The following CELSR1 variants were observed in gnomAD, a reference collection of about 807,000 sequenced individuals.
CELSR1 encodes adhesion G protein-coupled receptor C1.
CELSR1 carries 110 observed loss-of-function variants against 249.1 expected under a neutral mutation model. The ratio of observed to expected loss-of-function variants is 0.44; its 90% CI spans 0.38 to 0.52. The LOEUF (loss-of-function observed/expected upper bound fraction) is 0.52. CELSR1 is among the 20% of genes least tolerant of loss of function. The pLI is 0.00. For synonymous variants in CELSR1, 2,113 were observed against 1,900.0 expected, an observed-to-expected ratio of 1.11 and a Z score of -2.92; for missense variants, 4,109 against 4,296.4, an observed-to-expected ratio of 0.96 and a Z score of 1.22.
chr22:46,401,924 T>TA lies in CELSR1; in HGVS notation c.5227-2023dup, dbSNP rs781496400. The stretch of plus-strand genomic sequence containing the variant: ...CAACAAGGTGAAACCCCATCTCTAC[T>TA]AAAAATACAAAAAATTAGCTGGGCG... On this transcript the variant is annotated intron_variant, in intron 9 of 34. Coordinates refer to ENST00000674500, the MANE Select transcript of CELSR1 (RefSeq NM_001378328.1). This position sits in a 1 kb window ranked among gnomAD's most constrained non-coding sequence, Gnocchi z 4.7. 7.6e-6 allele frequency among the ~76,000 whole-genome samples: 1 copy of TA among 131,784 alleles called. No individual in the cohort carries two copies. The highest frequency in any genetic ancestry group is 1.5e-5 in the Non-Finnish European group (1 of 67,732). The allele number at this position is 131,784 out of a possible 152,430, so 86.5% of individuals were successfully genotyped here. A position where few individuals can be genotyped will look rare whatever the true frequency, so the allele number is the denominator to read the frequency against.
intron 27 of CELSR1, among the ~76,000 whole-genome samples, chr22:46,368,556 A>G (rs2078814041): frequency 6.6e-6 from 1 of 151,222 alleles, no homozygotes; most frequent in South Asian, 2.1e-4. Context: ...CCCTTCGCCC[A>G]TCCCTGGCTC....
rs1048317425 is a variant in CELSR1 at position 46,408,663 on chromosome 22, G to A, written c.5226+333C>T. ...CCTGGCTGCAGCTTTAACTGGTGAGGCTCACTGTTTCCGCCTGAAGGCTCG... is the reference window on the plus strand; with the variant it reads ...CCTGGCTGCAGCTTTAACTGGTGAGACTCACTGTTTCCGCCTGAAGGCTCG... On this transcript the variant is annotated intron_variant, in intron 9 of 34. Coordinates refer to ENST00000674500, the MANE Select transcript of CELSR1 (RefSeq NM_001378328.1). The surrounding 1 kb of genome is among the most constrained non-coding windows in gnomAD (Gnocchi z 4.6). Among the ~76,000 whole-genome samples the A allele has an allele frequency of 6.6e-5, 10 of 152,160 alleles. No individual in the cohort carries two copies. The highest frequency in any genetic ancestry group is 1.3e-4 in the Non-Finnish European group (9 of 68,034).
chr22:46,520,764 A>C (rs561531399), intron 1 of CELSR1, among the ~76,000 whole-genome samples: 18 of 152,194 alleles, frequency 1.2e-4, no homozygotes, highest in Admixed American at 3.3e-4. Flanking sequence ...AACCATTTTT[A>C]AATGCACCCA....
chr22:46,364,296 C>T (rs118068278), intron 33 of CELSR1, 45 bp from the exon 34 acceptor site: 24,440 of 1,591,852 alleles, frequency 0.015, 250 homozygotes, highest in Non-Finnish European at 0.018. Context: ...GTGATGCTGC[C>T]GGGGGCAGCT....
Position 46,395,086 on chromosome 22 carries a change from C to T in CELSR1, c.5844-824G>A, listed in dbSNP as rs73890412. ...CAGCCTCTAGCATTCACTCACTTGG[C>T]GAGCAAGTATTAAGGACTGTGTACA... On this transcript the variant is annotated intron_variant, in intron 13 of 34. Transcript: ENST00000674500. This position sits in a 1 kb window ranked among gnomAD's most constrained non-coding sequence, Gnocchi z 5.5. Among the ~76,000 whole-genome samples the T allele has an allele frequency of 9.6e-3, 1,460 of 152,288 alleles. 24 individuals are homozygous for T. Among genetic ancestry groups the T allele is most frequent in the African/African-American group, 0.033 (1,392 of 41,554 alleles).
rs199864223 is a variant in CELSR1, at chr22:46,534,901, T to C, written c.2270A>G (p.Gln757Arg). The change falls in exon 1 of 35, where the codon CAG becomes CGG. Residue 757 changes from glutamine to arginine, a missense_variant. Gln to Arg is a conservative substitution (Grantham distance 43). Transcript: ENST00000674500. This position sits in a 1 kb window ranked among gnomAD's most constrained non-coding sequence, Gnocchi z 9.7. ...GGATGCTGTCACCGCCAGCACGTAC[T>C]GCTGCTCCTGCTTGTAGTCCAGAGG... ...ALPLDYKQEQ[Q>R]YVLAVTASDG... The C allele has an allele frequency of 2.1e-4, 342 of 1,612,474 alleles. No individual in the cohort carries two copies. The highest frequency in any genetic ancestry group is 2.7e-4 in the Non-Finnish European group (324 of 1,180,016).
At position 46,430,221 on chromosome 22, in the gene CELSR1, G is replaced by A. The variant is rs2079578895; in HGVS notation, c.4611+3172C>T. On this transcript the variant is annotated intron_variant, in intron 5 of 34. Coordinates refer to ENST00000674500, the MANE Select transcript of CELSR1 (RefSeq NM_001378328.1). This position sits in a 1 kb window ranked among gnomAD's most constrained non-coding sequence, Gnocchi z 4.6. ...ACTGAAGAGAGGAGGGTGGGCAGCA[G>A]CGGCATGGCCCGCACCAATGCTTCC... Among the ~76,000 whole-genome samples, 1 of 152,226 alleles carries A rather than the reference G, an allele frequency of 6.6e-6. No individual in the cohort carries two copies. Among genetic ancestry groups the A allele is most frequent in the South Asian group, 2.1e-4 (1 of 4,834 alleles).
In CELSR1 at chr22:46,429,404, T is replaced by C. The variant is rs949231945; in HGVS notation, c.4611+3989A>G. Among the ~76,000 whole-genome samples, 3 of 152,118 alleles carry C rather than the reference T, an allele frequency of 2.0e-5. No homozygotes were observed. Among genetic ancestry groups the C allele is most frequent in the Non-Finnish European group, 2.9e-5 (2 of 68,024 alleles). ...GAAGCAACGACTGAAAATGCTCCAC[T>C]CGGCCCCAAACCTCCCGGCGTGGCT... On this transcript the variant is annotated intron_variant, in intron 5 of 34. Transcript: ENST00000674500. The surrounding 1 kb of genome is among the most constrained non-coding windows in gnomAD (Gnocchi z 4.1).
rs1323762267 is a variant in CELSR1 at position 46,463,924 on chromosome 22, C to T, written c.3966G>A (p.Leu1322=). 9 of 1,614,004 alleles carry T rather than the reference C, an allele frequency of 5.6e-6. No homozygotes were observed. In the South Asian group the frequency reaches 6.6e-5, roughly 12 times the overall value. ...CENYMKCVSV[L]RFDSSAPFLS... ...GGAAGGGCGCGGAGCTGTCGAATCG[C>T]AGAACGGACACGCACTTCATGTAGT... is the stretch of plus-strand genomic sequence containing the variant. Residue 1322 remains leucine (L), a synonymous_variant, in exon 2 of 35, where the codon CTG becomes CTA. Coordinates refer to ENST00000674500, the MANE Select transcript of CELSR1 (RefSeq NM_001378328.1).
At chr22:46,379,798 C>T (rs573106222) in intron 22 of CELSR1, among the ~76,000 whole-genome samples, 5 of 152,298 alleles carry the variant, frequency 3.3e-5, no homozygotes, top group East Asian at 1.9e-4. Flanking sequence ...CACAACGCTC[C>T]GCAGATTCAA....
Position 46,381,964 on chromosome 22 carries a change from T to C in CELSR1, c.6970A>G (p.Ser2324Gly). Residue 2324 changes from serine to glycine, a missense_variant, in exon 21 of 35, where the codon AGC (serine) becomes GGC (glycine). This residue lies in a region of CELSR1 where 1,805 missense variants were observed against 1,831.6 expected (regional missense o/e 0.99). Coordinates refer to ENST00000674500, the MANE Select transcript of CELSR1 (RefSeq NM_001378328.1). The surrounding 1 kb of genome is among the most constrained non-coding windows in gnomAD (Gnocchi z 6.0). ...TCATCAGGGTGTCGCCTCCGCCTGC[T>C]GATCGGGGCCTCCCTCTCGGTGCCA... ...GPGTEREAPISRRRRHPDDAG... is the reference protein window; with the variant it reads ...GPGTEREAPIGRRRRHPDDAG... 6.4e-7 allele frequency: 1 copy of C among 1,565,272 alleles called. No homozygotes were observed. Among genetic ancestry groups the C allele is most frequent in the Non-Finnish European group, 8.6e-7 (1 of 1,157,126 alleles).
rs567318380 is a variant in CELSR1, at chr22:46,362,846, T to C, written c.*377A>G. 9.1e-5 allele frequency: 33 copies of C among 363,900 alleles called. No individual in the cohort carries two copies. Among genetic ancestry groups the C allele is most frequent in the Non-Finnish European group, 1.4e-4 (28 of 199,294 alleles). 22.5% of individuals were successfully genotyped at this position (363,900 alleles called of 1,614,324 possible). On this transcript the variant is annotated 3_prime_UTR_variant, in exon 35 of 35. Transcript: ENST00000674500. ...GGCGGGGCTGGACCGCGGTCTTTGGTCTGTGCCCGGCGTTCCTGAACTCTG... is the reference window on the plus strand; with the variant it reads ...GGCGGGGCTGGACCGCGGTCTTTGGCCTGTGCCCGGCGTTCCTGAACTCTG...
rs2080745247 is a variant in CELSR1 at position 46,527,056 on chromosome 22, C to T, written c.3544+6571G>A. ...CTGCCCGGTCCAGGTTCAAATCCCACTGCTGCCATCACAAGCTGGTGCCCT... is the reference window on the plus strand; with the variant it reads ...CTGCCCGGTCCAGGTTCAAATCCCATTGCTGCCATCACAAGCTGGTGCCCT... On this transcript the variant is annotated intron_variant, in intron 1 of 34. Transcript: ENST00000674500. This position sits in a 1 kb window ranked among gnomAD's most constrained non-coding sequence, Gnocchi z 5.5. 6.6e-6 allele frequency among the ~76,000 whole-genome samples: 1 copy of T among 152,240 alleles called. No homozygotes were observed. The highest frequency in any genetic ancestry group is 2.4e-5 in the African/African-American group (1 of 41,450).
chr22:46,525,316 G>A (rs2080728110), intron 1 of CELSR1, among the ~76,000 whole-genome samples: 1 of 152,168 alleles, frequency 6.6e-6, no homozygotes, highest in South Asian at 2.1e-4. Context: ...GGGTGTGGTG[G>A]TGCGCGCCTG....
In CELSR1 at chr22:46,506,922, C is replaced by A. The variant is rs1043694534; in HGVS notation, c.3544+26705G>T. ...ACATAAAAACCGATTCCAGGCGGGGCGTGGTGGCTCACGTTTGTAATCCCA... is the reference window on the plus strand; with the variant it reads ...ACATAAAAACCGATTCCAGGCGGGGAGTGGTGGCTCACGTTTGTAATCCCA... On this transcript the variant is annotated intron_variant, in intron 1 of 34. Coordinates refer to ENST00000674500, the MANE Select transcript of CELSR1 (RefSeq NM_001378328.1). The surrounding 1 kb of genome is among the most constrained non-coding windows in gnomAD (Gnocchi z 4.1). Among the ~76,000 whole-genome samples, 6 of 152,144 alleles carry A rather than the reference C, an allele frequency of 3.9e-5. No individual in the cohort carries two copies. The highest frequency in any genetic ancestry group is 7.4e-5 in the Non-Finnish European group (5 of 68,020).
intron 22 of CELSR1, among the ~76,000 whole-genome samples, chr22:46,378,955 C>T (rs777831441): frequency 6.6e-6 from 1 of 152,220 alleles, no homozygotes; most frequent in Non-Finnish European, 1.5e-5. Context: ...GCCTCACTGC[C>T]GCGGAGGCAG....
chr22:46,532,048 C>T (rs1165267653), intron 1 of CELSR1, among the ~76,000 whole-genome samples: 1 of 152,174 alleles, frequency 6.6e-6, no homozygotes, highest in Non-Finnish European at 1.5e-5. Context: ...AACCAACCTC[C>T]TTGGAAGGGA....
chr22:46,398,557 G>A lies in CELSR1; in HGVS notation c.5493C>T (p.Val1831=), dbSNP rs144288536. The A allele has an allele frequency of 1.8e-5, 29 of 1,613,426 alleles. No individual in the cohort carries two copies. Among genetic ancestry groups the A allele is most frequent in the Non-Finnish European group, 2.3e-5 (27 of 1,179,834 alleles). Residue 1831 remains valine, a synonymous_variant, in exon 11 of 35, where the codon GTC becomes GTT. Coordinates refer to ENST00000674500, the MANE Select transcript of CELSR1 (RefSeq NM_001378328.1). This position sits in a 1 kb window ranked among gnomAD's most constrained non-coding sequence, Gnocchi z 7.2. ...AGCCTCGGAATCCACGGCGCACGGA[G>A]ACCTTGTCTTCAGAGGCGCCTCCGA... is the stretch of plus-strand genomic sequence containing the variant. ...VVVGGASEDK[V]SVRRGFRGCM... is the part of the protein sequence containing the mutation.
intron 2 of CELSR1, among the ~76,000 whole-genome samples, chr22:46,460,872 G>C (rs1363253296): frequency 6.6e-6 from 1 of 152,168 alleles, no homozygotes; most frequent in Non-Finnish European, 1.5e-5. Flanking sequence ...TCAGGGACAC[G>C]GGAGAGCCAT....
Sources: gnomAD v4.1 joint callset for allele counts (sites outside exome capture counted in the v4.1 genomes callset) on GRCh38, gnomAD v4.1.1 for gene constraint, gnomAD v4.1.1 regional missense constraint, Gnocchi (gnomAD v3.1) non-coding constraint, MANE v1.5 for transcripts, NCBI Gene and HGNC (gene_info 2026-07-23, HGNC 2026-07-21) for gene names.